CAMTA1: variants seen among roughly 807,000 people sequenced by gnomAD.
The protein encoded by CAMTA1 is calmodulin binding transcription activator 1, also known as calmodulin-binding transcription activator 1.
In CAMTA1, 27 loss-of-function variants were observed where a neutral mutation model predicts 170.9. That is an observed-to-expected ratio of 0.16 (90% CI 0.12 to 0.22). CAMTA1 has a LOEUF of 0.22. Ranked by LOEUF, CAMTA1 falls within the 10% of genes least tolerant of loss-of-function variation. The probability of loss-of-function intolerance (pLI) is 1.00; values close to 1 mark genes in which losing one functional copy is unlikely to be tolerated. For missense variants in CAMTA1, 1,619 were observed against 2,217.2 expected, an observed-to-expected ratio of 0.73 and a Z score of 5.42; for synonymous variants, 833 against 891.5, an observed-to-expected ratio of 0.93 and a Z score of 1.17.
chr1:6,888,617 A>G (rs776511157), intron 3 of CAMTA1, among the ~76,000 whole-genome samples: 2 of 152,248 alleles, frequency 1.3e-5, no homozygotes, highest in Non-Finnish European at 2.9e-5. Flanking sequence ...AAGATAAATC[A>G]AAATATTTTC....
At chr1:7,252,461 T>G (rs1365792660) in intron 5 of CAMTA1, among the ~76,000 whole-genome samples, 1 of 152,216 alleles carries the variant, frequency 6.6e-6, no homozygotes, top group Non-Finnish European at 1.5e-5. Flanking sequence ...GCATTTCTGC[T>G]GCATTACCTC....
intron 10 of CAMTA1, among the ~76,000 whole-genome samples, chr1:7,675,152 T>G (rs2096103635): frequency 6.6e-6 from 1 of 152,036 alleles, no homozygotes; most frequent in African/African-American, 2.4e-5. Flanking sequence ...GGGAGAAGCA[T>G]CCAGGCCAGG....
intron 5 of CAMTA1, among the ~76,000 whole-genome samples, chr1:7,320,059 T>C (rs1253019961): frequency 6.6e-6 from 1 of 152,216 alleles, no homozygotes; most frequent in Non-Finnish European, 1.5e-5. Context: ...AATGAAAGTT[T>C]TATTCAGTCC....
chr1:7,114,696 G>C (rs1190475286), intron 4 of CAMTA1, among the ~76,000 whole-genome samples: 2 of 151,838 alleles, frequency 1.3e-5, no homozygotes, highest in African/African-American at 4.8e-5. Context: ...GTGTTCCAGT[G>C]TGAGTCCAAA....
At chr1:7,033,837 A>T (rs970544555) in intron 3 of CAMTA1, among the ~76,000 whole-genome samples, 4 of 151,764 alleles carry the variant, frequency 2.6e-5, no homozygotes, top group Admixed American at 2.6e-4. Context: ...CAAGTGATCC[A>T]CCCCCTTTGG....
In CAMTA1 at chr1:7,103,776, C is replaced by G. The variant is rs201439815; in HGVS notation, c.302+12405C>G. Among the ~76,000 whole-genome samples, 3 of 151,054 alleles carry G rather than the reference C, an allele frequency of 2.0e-5. No individual in the cohort carries two copies. In the East Asian group the frequency reaches 5.9e-4, roughly 30 times the overall value. On this transcript the variant is annotated intron_variant, in intron 4 of 22. Transcript: ENST00000303635. The stretch of plus-strand genomic sequence containing the variant: ...ATTACACACATGCACACACAACACA[C>G]ATAACTACACGTACATACAACGCAC...
chr1:7,727,449 G>T (rs2096698172), intron 11 of CAMTA1, among the ~76,000 whole-genome samples: 1 of 152,146 alleles, frequency 6.6e-6, no homozygotes, highest in Admixed American at 6.5e-5. Flanking sequence ...TAAAACTCCA[G>T]GTTTGTTCGG....
intron 6 of CAMTA1, among the ~76,000 whole-genome samples, chr1:7,559,407 C>T (rs1200304029): frequency 1.3e-5 from 2 of 152,178 alleles, no homozygotes; most frequent in African/African-American, 4.8e-5. Flanking sequence ...ACCTTCCCCT[C>T]CAGGCTGTCT....
At chr1:6,958,909 C>T (rs1209977853) in intron 3 of CAMTA1, among the ~76,000 whole-genome samples, 2 of 152,128 alleles carry the variant, frequency 1.3e-5, no homozygotes, top group Non-Finnish European at 2.9e-5. Context: ...TCGTGGCAGG[C>T]TTCGCACACG....
intron 3 of CAMTA1, among the ~76,000 whole-genome samples, chr1:6,983,336 G>C (rs1175585881): frequency 6.6e-6 from 1 of 152,084 alleles, no homozygotes; most frequent in Non-Finnish European, 1.5e-5. Flanking sequence ...CTACGTTCCA[G>C]CTATACTGGC....
At chr1:7,334,175 A>G (rs2083207158) in intron 5 of CAMTA1, among the ~76,000 whole-genome samples, 1 of 152,232 alleles carries the variant, frequency 6.6e-6, no homozygotes, top group African/African-American at 2.4e-5. Context: ...GTGGAAAGTA[A>G]AGTCTGTCAC....
chr1:7,589,738 C>T (rs182971755), intron 6 of CAMTA1, among the ~76,000 whole-genome samples: 1 of 152,292 alleles, frequency 6.6e-6, no homozygotes, highest in African/African-American at 2.4e-5. Context: ...AAGCCCTTGC[C>T]TCGATGTTCC....
At chr1:7,081,222 TATA>T (rs1277160009) in intron 3 of CAMTA1, among the ~76,000 whole-genome samples, 1 of 152,208 alleles carries the variant, frequency 6.6e-6, no homozygotes, top group Non-Finnish European at 1.5e-5. Context: ...TAGTGATGAT[TATA>T]ATAATAATGA....
In CAMTA1 at chr1:7,561,389, G is replaced by T. The variant is rs2094954925; in HGVS notation, c.511-79011G>T. 6.6e-6 allele frequency among the ~76,000 whole-genome samples: 1 copy of T among 151,918 alleles called. No homozygotes were observed. Among genetic ancestry groups the T allele is most frequent in the Admixed American group, 6.5e-5 (1 of 15,274 alleles). ...AGGCCGGCGGGCAGCAGGCCAATGG[G>T]CCAGGCAGGTGGGGCAGGAGCCTCC... On this transcript the variant is annotated intron_variant, in intron 6 of 22. Transcript: ENST00000303635. This position sits in a 1 kb window ranked among gnomAD's most constrained non-coding sequence, Gnocchi z 5.3.
At chr1:7,427,412 C>G (rs1156685551) in intron 5 of CAMTA1, among the ~76,000 whole-genome samples, 3 of 152,114 alleles carry the variant, frequency 2.0e-5, no homozygotes, top group Non-Finnish European at 4.4e-5. Flanking sequence ...TCAAAAAGAC[C>G]TCCTCAGACA....
Position 7,044,656 on chromosome 1 carries a change from G to A in CAMTA1, c.235-46648G>A, listed in dbSNP as rs1705066390. Among the ~76,000 whole-genome samples, 1 of 152,148 alleles carries A rather than the reference G, an allele frequency of 6.6e-6. No homozygotes were observed. The highest frequency in any genetic ancestry group is 1.5e-5 in the Non-Finnish European group (1 of 68,018). On this transcript the variant is annotated intron_variant, in intron 3 of 22. Coordinates refer to ENST00000303635, the MANE Select transcript of CAMTA1 (RefSeq NM_015215.4). The surrounding 1 kb of genome is among the most constrained non-coding windows in gnomAD (Gnocchi z 5.0). Reference sequence around the variant, plus strand: ...GAGACCTGGCATTTGGAGCCTGAATGAGCCAGAGACAGGAAGCCTGTCCCT... The same window carrying A: ...GAGACCTGGCATTTGGAGCCTGAATAAGCCAGAGACAGGAAGCCTGTCCCT...
At position 7,313,606 on chromosome 1, in the gene CAMTA1, G is replaced by A. The variant is rs569095832; in HGVS notation, c.438+63980G>A. Reference sequence around the variant, plus strand: ...ATTGGTATTTTTCTTTTTCTCCTTAGCATTGGGGCAGGGGTAATTTCCTGG... The same window carrying A: ...ATTGGTATTTTTCTTTTTCTCCTTAACATTGGGGCAGGGGTAATTTCCTGG... On this transcript the variant is annotated intron_variant, in intron 5 of 22. Transcript: ENST00000303635. 2.4e-3 allele frequency among the ~76,000 whole-genome samples: 366 copies of A among 152,236 alleles called. 1 individual carries two copies. Among genetic ancestry groups the A allele is most frequent in the African/African-American group, 8.5e-3 (351 of 41,524 alleles).
rs748102920 is a variant in CAMTA1 at position 7,467,825 on chromosome 1, C to T, written c.439-5C>T. ...ACTGAATTCTCGTTTTTCCTCTCTC[C>T]CTAGTGCTTGTACGGCTGCTATGTC... On this transcript the variant is annotated splice_region_variant and splice_polypyrimidine_tract_variant and intron_variant, in intron 5 of 22. Transcript: ENST00000303635. 1.2e-6 allele frequency: 2 copies of T among 1,612,076 alleles called. No individual in the cohort carries two copies. The highest frequency in any genetic ancestry group is 1.6e-4 in the Middle Eastern group (1 of 6,082).
chr1:7,062,965 T>C (rs1708472223), intron 3 of CAMTA1, among the ~76,000 whole-genome samples: 1 of 152,214 alleles, frequency 6.6e-6, no homozygotes, highest in African/African-American at 2.4e-5. Context: ...TCCTACTCCG[T>C]TATGACTTCA....
Sources: allele counts gnomAD v4.1 joint callset (sites outside exome capture counted in the v4.1 genomes callset), GRCh38; gene constraint gnomAD v4.1.1; non-coding constraint Gnocchi (gnomAD v3.1); transcripts MANE v1.5; gene names NCBI Gene and HGNC (gene_info 2026-07-23, HGNC 2026-07-21).